The following TOR1AIP2 variants were observed in gnomAD, a reference collection of about 807,000 sequenced individuals.
TOR1AIP2 encodes torsin 1A interacting protein 2, also known as torsin-1A-interacting protein 2.
A neutral mutation model predicts 32.6 loss-of-function variants in TOR1AIP2; 20 were observed. That is an observed-to-expected ratio of 0.61 (90% CI 0.43 to 0.89). The LOEUF (loss-of-function observed/expected upper bound fraction) is 0.89. TOR1AIP2 is among the 40% of genes least tolerant of loss of function. The pLI is 0.00. For synonymous variants in TOR1AIP2, 214 were observed against 210.8 expected (o/e 1.02, Z -0.13); for missense variants, 456 against 553.8 (o/e 0.82, Z 1.77).
rs906867273 is a variant in TOR1AIP2 at position 179,860,680 on chromosome 1, G to A, written c.-147+4756C>T. ...ACCTTTTTCACAGATGAAGAAACTA[G>A]ATACAGAGAGGTTAAAATGCCTAAG... is the stretch of plus-strand genomic sequence containing the variant. On this transcript the variant is annotated intron_variant, in intron 3 of 6. Transcript: ENST00000609928. 1.0e-5 allele frequency: 10 copies of A among 984,374 alleles called. No individual in the cohort carries two copies. In the African/African-American group the frequency reaches 1.7e-4, roughly 17 times the overall value. The allele number at this position is 984,374 out of a possible 1,614,324, so 61.0% of individuals were successfully genotyped here. A position where few individuals can be genotyped will look rare whatever the true frequency, so the allele number is the denominator to read the frequency against.
At chr1:179,861,385 TTCC>T (rs550441593) in intron 3 of TOR1AIP2, 44 of 985,372 alleles carry the variant, frequency 4.5e-5, no homozygotes, top group Non-Finnish European at 5.3e-5. Flanking sequence ...GTTCAAAGGC[TTCC>T]TCAATTTTCT....
Position 179,841,927 on chromosome 1 carries a change from G to A in TOR1AIP2, c.*4144C>T, listed in dbSNP as rs957977154. ...CAATTAAAAGCTGTGTAGGCCAGTC[G>A]CGGTGGCTCACGCCTGTAATCCCAG... is the stretch of plus-strand genomic sequence containing the variant. On this transcript the variant is annotated 3_prime_UTR_variant, in exon 7 of 7. Coordinates refer to ENST00000609928, the MANE Select transcript of TOR1AIP2 (RefSeq NM_001199260.2). 3 of 152,108 alleles carry A rather than the reference G, an allele frequency of 2.0e-5. No individual in the cohort carries two copies. The highest frequency in any genetic ancestry group is 4.4e-5 in the Non-Finnish European group (3 of 68,036). The allele number at this position is 152,108 out of a possible 1,614,324, so 9.4% of individuals were successfully genotyped here. A position where few individuals can be genotyped will look rare whatever the true frequency, so the allele number is the denominator to read the frequency against.
At chr1:179,866,221 T>C (rs1696763913) in intron 2 of TOR1AIP2, among the ~76,000 whole-genome samples, 1 of 151,316 alleles carries the variant, frequency 6.6e-6, no homozygotes, top group Admixed American at 6.6e-5. Flanking sequence ...GGGATAACAT[T>C]AATGATGACA....
At chr1:179,863,463 A>G (rs1696635050) in intron 3 of TOR1AIP2, 1 of 985,060 alleles carries the variant, frequency 1.0e-6, no homozygotes, top group African/African-American at 1.7e-5. Context: ...TTTCCTAGGG[A>G]TTAAAATGTC....
chr1:179,864,774 A>G (rs750068110), intron 3 of TOR1AIP2: 1 of 1,584,656 alleles, frequency 6.3e-7, no homozygotes, highest in Non-Finnish European at 8.6e-7. Flanking sequence ...TTTGACTATT[A>G]TAGAAGCTAT....
intron 3 of TOR1AIP2, among the ~76,000 whole-genome samples, chr1:179,858,572 A>T (rs1015003701): frequency 2.4e-4 from 36 of 152,316 alleles, no homozygotes; most frequent in Admixed American, 1.9e-3. Flanking sequence ...TAATAAAATA[A>T]ATCAGTCTCT....
At chr1:179,848,200 A>T (rs971898898) in intron 5 of TOR1AIP2, among the ~76,000 whole-genome samples, 2 of 152,240 alleles carry the variant, frequency 1.3e-5, no homozygotes, top group African/African-American at 4.8e-5. Context: ...AGACAAAGAC[A>T]TTTAAATAGT....
rs1695728696 is a variant in TOR1AIP2, at chr1:179,841,906, T to C, written c.*4165A>G. On this transcript the variant is annotated 3_prime_UTR_variant, in exon 7 of 7. Transcript: ENST00000609928. The stretch of plus-strand genomic sequence containing the variant: ...TTTAATAAAGTATAAATCAAGCAAT[T>C]AAAAGCTGTGTAGGCCAGTCGCGGT... 1 of 152,202 alleles carries C rather than the reference T, an allele frequency of 6.6e-6. No individual in the cohort carries two copies. The highest frequency in any genetic ancestry group is 1.5e-5 in the Non-Finnish European group (1 of 68,052). 9.4% of individuals were successfully genotyped at this position (152,202 alleles called of 1,614,324 possible). A position where few individuals can be genotyped will look rare whatever the true frequency, so the allele number is the denominator to read the frequency against.
In TOR1AIP2 at chr1:179,877,769, G is replaced by C. The variant is rs892305494; in HGVS notation, c.-777C>G. ...TCGAGTATTCTCTCCGCTCCACACCGCTCGGCTGCACCCAGCGGCCGCCGC... is the reference window on the plus strand; with the variant it reads ...TCGAGTATTCTCTCCGCTCCACACCCCTCGGCTGCACCCAGCGGCCGCCGC... On this transcript the variant is annotated 5_prime_UTR_variant, in exon 1 of 7. Coordinates refer to ENST00000609928, the MANE Select transcript of TOR1AIP2 (RefSeq NM_001199260.2). The C allele has an allele frequency of 6.6e-6, 1 of 152,100 alleles. No homozygotes were observed. The highest frequency in any genetic ancestry group is 6.6e-5 in the Admixed American group (1 of 15,254). 9.4% of individuals were successfully genotyped at this position (152,100 alleles called of 1,614,324 possible). A position where few individuals can be genotyped will look rare whatever the true frequency, so the allele number is the denominator to read the frequency against.
intron 5 of TOR1AIP2, among the ~76,000 whole-genome samples, chr1:179,848,408 T>C (rs1695997825): frequency 6.6e-6 from 1 of 152,196 alleles, no homozygotes; most frequent in Non-Finnish European, 1.5e-5. Flanking sequence ...GAGAGATTAG[T>C]GTACAGTTGC....
chr1:179,846,023 A>C lies in TOR1AIP2; in HGVS notation c.*48T>G. Reference sequence around the variant, plus strand: ...CATATAAATGGAAGGTCTTTAAACAAACTTTTTCATAAACATATACCTTCT... The same window carrying C: ...CATATAAATGGAAGGTCTTTAAACACACTTTTTCATAAACATATACCTTCT... On this transcript the variant is annotated 3_prime_UTR_variant, in exon 7 of 7. Transcript: ENST00000609928. The C allele has an allele frequency of 6.5e-7, 1 of 1,544,150 alleles. No homozygotes were observed. Among genetic ancestry groups the C allele is most frequent in the Non-Finnish European group, 8.7e-7 (1 of 1,144,010 alleles).
At position 179,846,383 on chromosome 1, in the gene TOR1AIP2, G is replaced by A. The variant is rs780249333; in HGVS notation, c.1101C>T (p.Phe367=). 5 of 1,613,988 alleles carry A rather than the reference G, an allele frequency of 3.1e-6. No homozygotes were observed. Among genetic ancestry groups the A allele is most frequent in the South Asian group, 1.1e-5 (1 of 91,084 alleles). Residue 367 remains phenylalanine, a synonymous_variant, in exon 7 of 7, where the codon TTC becomes TTT. Coordinates refer to ENST00000609928, the MANE Select transcript of TOR1AIP2 (RefSeq NM_001199260.2). ...NGQKAAVVHH[F]ESFPAGSTLI... The stretch of plus-strand genomic sequence containing the variant: ...AAGTGGAGCCGGCAGGGAAGGATTC[G>A]AAGTGGTGTACCACAGCAGCCTTCT...
intron 3 of TOR1AIP2, chr1:179,860,976 A>C: frequency 4.1e-6 from 4 of 985,452 alleles, no homozygotes; most frequent in Non-Finnish European, 4.8e-6. Flanking sequence ...TCAGAGATGA[A>C]TCTTACCTCA....
intron 5 of TOR1AIP2, 42 bp from the exon 6 acceptor site, chr1:179,847,678 T>G (rs768100278): frequency 2.4e-5 from 31 of 1,269,092 alleles, no homozygotes; most frequent in Non-Finnish European, 6.9e-6. Context: ...GGCAGTACAC[T>G]AATGACAGTA....
rs1250333154 is a variant in TOR1AIP2 at position 179,840,468 on chromosome 1, A to T, written c.*5603T>A. On this transcript the variant is annotated 3_prime_UTR_variant, in exon 7 of 7. Transcript: ENST00000609928. ...GAAAAGCAGGAGACCATTTGCCAAA[A>T]TAAGAACCAATTTATGGGCTTTTCA... 6.6e-6 allele frequency: 1 copy of T among 152,224 alleles called. No homozygotes were observed. Among genetic ancestry groups the T allele is most frequent in the East Asian group, 1.9e-4 (1 of 5,198 alleles). 9.4% of individuals were successfully genotyped at this position (152,224 alleles called of 1,614,324 possible). A position where few individuals can be genotyped will look rare whatever the true frequency, so the allele number is the denominator to read the frequency against.
chr1:179,851,226 T>C lies in TOR1AIP2; in HGVS notation c.172A>G (p.Thr58Ala). ...GLSKDHQEVE[T>A]EGPESADTGD... ...GTATCTGCACTTTCTGGACCTTCTG[T>C]CTCTACCTCTTGGTGGTCTTTGCTA... Residue 58 changes from threonine to alanine, a missense_variant, in exon 5 of 7, where the codon ACA becomes GCA. Physicochemically the swap from Thr to Ala is moderately conservative, Grantham distance 58. Coordinates refer to ENST00000609928, the MANE Select transcript of TOR1AIP2 (RefSeq NM_001199260.2). 1 of 1,613,680 alleles carries C rather than the reference T, an allele frequency of 6.2e-7. No individual in the cohort carries two copies. The highest frequency in any genetic ancestry group is 8.5e-7 in the Non-Finnish European group (1 of 1,180,042).
chr1:179,852,481 T>C, intron 4 of TOR1AIP2, 151 bp downstream of exon 4: 1 of 720,960 alleles, frequency 1.4e-6, no homozygotes, highest in South Asian at 2.0e-5. Flanking sequence ...TTCAGTAAAT[T>C]TGAAAGAATA....
intron 5 of TOR1AIP2, 104 bp downstream of exon 5, chr1:179,850,741 G>A (rs1191570545): frequency 7.0e-7 from 1 of 1,423,694 alleles, no homozygotes; most frequent in African/African-American, 1.4e-5. Context: ...TTACTCCTAT[G>A]AAAGATGACA....
At position 179,870,989 on chromosome 1, in the gene TOR1AIP2, G is replaced by A. The variant is rs147829075; in HGVS notation, c.-565-5135C>T. 5.2e-3 allele frequency among the ~76,000 whole-genome samples: 790 copies of A among 152,358 alleles called. 8 individuals are homozygous for A. The highest frequency in any genetic ancestry group is 0.02 in the South Asian group (96 of 4,826). ...ATGCCAAGTACTATGGATACAGAAA[G>A]AAAATCATTCAGGACTTCTAGATGT... On this transcript the variant is annotated intron_variant, in intron 2 of 6. Coordinates refer to ENST00000609928, the MANE Select transcript of TOR1AIP2 (RefSeq NM_001199260.2).
Sources: gnomAD v4.1 joint callset for allele counts (sites outside exome capture counted in the v4.1 genomes callset) on GRCh38, gnomAD v4.1.1 for gene constraint, MANE v1.5 for transcripts, NCBI Gene and HGNC (gene_info 2026-07-23, HGNC 2026-07-21) for gene names.